Variants in PKD1 observed in about 807,000 individuals in gnomAD.
PKD1 encodes polycystin 1, transient receptor potential channel interacting.
A neutral mutation model predicts 361.7 loss-of-function variants in PKD1; 81 were observed. That is an observed-to-expected ratio of 0.22 (90% confidence interval 0.19 to 0.27). The LOEUF is 0.27. Ranked by LOEUF, PKD1 falls within the 10% of genes least tolerant of loss-of-function variation. PKD1 has a pLI of 1.00. For missense variants in PKD1, 6,399 were observed against 6,118.3 expected (o/e 1.05, Z -1.53); for synonymous variants, 3,615 against 2,818.3 (o/e 1.28, Z -8.95).
Position 2,100,250 on chromosome 16 carries a change from T to A in PKD1, c.9628A>T (p.Ser3210Cys), listed in dbSNP as rs1219302741. ...CAGTCATTGACCAGGAAGAAGGCGC[T>A]GCGTGCCGTCTGCAGGTCCCTGACG... The part of the protein sequence containing the change: ...VIVRDLQTAR[S>C]AFFLVNDWLS... Residue 3210 changes from serine (S) to cysteine (C), a missense_variant, in exon 28 of 46, where the codon AGC becomes TGC. Transcript: ENST00000262304. This position sits in a 1 kb window ranked among gnomAD's most constrained non-coding sequence, Gnocchi z 4.4. The A allele has an allele frequency of 1.2e-6, 2 of 1,610,616 alleles. No individual in the cohort carries two copies. The highest frequency in any genetic ancestry group is 4.5e-5 in the East Asian group (2 of 44,862).
Position 2,111,604 on chromosome 16 carries a change from T to C in PKD1, c.3563A>G (p.His1188Arg), listed in dbSNP as rs2092507530. 1.3e-6 allele frequency: 2 copies of C among 1,574,208 alleles called. No individual in the cohort carries two copies. Among genetic ancestry groups the C allele is most frequent in the Admixed American group, 1.8e-5 (1 of 54,178 alleles). ...CGTGTTGTTGACCTCCAGGCGCACGTGGTAGGTGCCCCTCGAGGCATAGGT... is the reference window on the plus strand; with the variant it reads ...CGTGTTGTTGACCTCCAGGCGCACGCGGTAGGTGCCCCTCGAGGCATAGGT... The part of the protein sequence containing the change: ...NHTYASRGTY[H>R]VRLEVNNTVS... The change falls in exon 15 of 46, where the codon CAC (histidine) becomes CGC (arginine). Residue 1188 changes from histidine to arginine, a missense_variant. Physicochemically the swap from His to Arg is conservative, Grantham distance 29 (BLOSUM62 0). Coordinates refer to ENST00000262304, the MANE Select transcript of PKD1 (RefSeq NM_001009944.3).
Position 2,097,788 on chromosome 16 carries a change from G to T in PKD1, c.10168-8C>A. 6.2e-7 allele frequency: 1 copy of T among 1,611,432 alleles called. No homozygotes were observed. Among genetic ancestry groups the T allele is most frequent in the African/African-American group, 1.3e-5 (1 of 74,982 alleles). On this transcript the variant is annotated splice_region_variant and splice_polypyrimidine_tract_variant and intron_variant, in intron 31 of 45. Coordinates refer to ENST00000262304, the MANE Select transcript of PKD1 (RefSeq NM_001009944.3). ...CTGTCCAACAAAGGCCTGCTGAGAG[G>T]TGCACAGTGTCTTGAGTCCAAGCTG...
At chr16:2,098,022 A>T in intron 30 of PKD1, 38 bp from the exon 31 acceptor site, 1 of 1,134,478 alleles carries the variant, frequency 8.8e-7, no homozygotes, top group Non-Finnish European at 1.3e-6. Flanking sequence ...GCGGCAGCTC[A>T]GACCTGCTCA....
rs943951824 is a variant in PKD1 at position 2,118,950 on chromosome 16, C to T, written c.360-105G>A. The T allele has an allele frequency of 2.7e-6, 2 of 741,740 alleles. No homozygotes were observed. The allele number at this position is 741,740 out of a possible 1,614,324, so 45.9% of individuals were successfully genotyped here. On this transcript the variant is annotated intron_variant, in intron 3 of 45. Coordinates refer to ENST00000262304, the MANE Select transcript of PKD1 (RefSeq NM_001009944.3). The surrounding 1 kb of genome is among the most constrained non-coding windows in gnomAD (Gnocchi z 6.0). ...GGAGCCACCCTGACAGCACCGCCTC[C>T]CCTGCCCCAACCAAGCCGGCACTGG...
Position 2,117,839 on chromosome 16 carries a change from G to C in PKD1, c.1153C>G (p.Leu385Val), listed in dbSNP as rs1255288220. The change falls in exon 5 of 46, where the codon CTG becomes GTG. Residue 385 changes from leucine to valine, a missense_variant. By Grantham distance (32) the Leu-to-Val change is conservative. Transcript: ENST00000262304. ...LSIQNRGGSGLEAAYSIVALG... is the reference protein window; with the variant it reads ...LSIQNRGGSGVEAAYSIVALG... ...GCCACGATGCTGTAGGCGGCCTCCA[G>C]GCCTGAACCACCGCGGTTCTGGATG... 2 of 1,298,132 alleles carry C rather than the reference G, an allele frequency of 1.5e-6. No individual in the cohort carries two copies. The highest frequency in any genetic ancestry group is 2.2e-6 in the Non-Finnish European group (2 of 926,266). 80.4% of individuals were successfully genotyped at this position (1,298,132 alleles called of 1,614,324 possible). A position where few individuals can be genotyped will look rare whatever the true frequency, so the allele number is the denominator to read the frequency against.
At chr16:2,097,018 G>A (rs930955679) in intron 34 of PKD1, 130 bp downstream of exon 34, 2 of 686,876 alleles carry the variant, frequency 2.9e-6, no homozygotes, top group African/African-American at 1.8e-5. Context: ...TCAGAGAAGT[G>A]AAGTGGTGCA....
Position 2,110,226 on chromosome 16 carries a change from G to C in PKD1, c.4941C>G (p.Asn1647Lys), listed in dbSNP as rs572889542. 6.2e-7 allele frequency: 1 copy of C among 1,612,000 alleles called. No individual in the cohort carries two copies. Among genetic ancestry groups the C allele is most frequent in the Non-Finnish European group, 8.5e-7 (1 of 1,179,812 alleles). The change falls in exon 15 of 46, where the codon AAC becomes AAG. Residue 1647 changes from asparagine (N) to lysine (K), a missense_variant. Physicochemically the swap from Asn to Lys is moderately conservative, Grantham distance 94. Transcript: ENST00000262304. ...VVGGGRYFPT[N>K]HTVQLQAVVR... is the part of the protein sequence containing the mutation. The stretch of plus-strand genomic sequence containing the variant: ...CCACGGCCTGCAGCTGTACCGTGTG[G>C]TTGGTGGGGAAGTAGCGGCCACCGC...
rs746367897 is a variant in PKD1 at position 2,106,337 on chromosome 16, G to A, written c.7490-33C>T. The A allele has an allele frequency of 1.4e-5, 23 of 1,600,584 alleles. No homozygotes were observed. Among genetic ancestry groups the A allele is most frequent in the Middle Eastern group, 4.5e-4 (2 of 4,438 alleles). On this transcript the variant is annotated intron_variant, in intron 18 of 45. Transcript: ENST00000262304. This position sits in a 1 kb window ranked among gnomAD's most constrained non-coding sequence, Gnocchi z 6.5. ...ACGGTCCCCACGGCATCACGGGAGG[G>A]CTCCGTGACGTCACAGAGTCGGGGG...
chr16:2,127,900 G>A lies in PKD1; in HGVS notation c.215+7575C>T, dbSNP rs372135517. Among the ~76,000 whole-genome samples the A allele has an allele frequency of 2.2e-3, 296 of 132,840 alleles. 2 individuals are homozygous for A. Among genetic ancestry groups the A allele is most frequent in the African/African-American group, 8.0e-3 (284 of 35,438 alleles). 87.1% of individuals were successfully genotyped at this position (132,840 alleles called of 152,430 possible). On this transcript the variant is annotated intron_variant, in intron 1 of 45. Transcript: ENST00000262304. ...GAGAGAAGGGACACAGCAGGGATGA[G>A]CCAGGGAGGGAGAGGTGGGAGGGGC...
In PKD1 at chr16:2,118,865, G is replaced by A; in HGVS notation, c.360-20C>T. 1.9e-6 allele frequency: 3 copies of A among 1,591,468 alleles called. No individual in the cohort carries two copies. Among genetic ancestry groups the A allele is most frequent in the Non-Finnish European group, 2.6e-6 (3 of 1,175,338 alleles). On this transcript the variant is annotated intron_variant, in intron 3 of 45. Transcript: ENST00000262304. The surrounding 1 kb of genome is among the most constrained non-coding windows in gnomAD (Gnocchi z 6.0). ...AGGTTTCTGCAGGGCAGGGGCAGGT[G>A]TTGGGGACCAGGTCTGGTGGGAAGG...
rs1314345575 is a variant in PKD1 at position 2,106,533 on chromosome 16, C to T, written c.7354G>A (p.Gly2452Ser). ...CAGCCCTCCTCCTCGCCAGAGCGGC[C>T]CAGCACCGTGAGCGTGAAGGTGTAT... is the stretch of plus-strand genomic sequence containing the variant. ...EGYTFTLTVL[G>S]RSGEEEGCAS... Residue 2452 changes from glycine (G) to serine (S), a missense_variant, in exon 18 of 46, where the codon GGC becomes AGC. Physicochemically the swap from Gly to Ser is moderately conservative, Grantham distance 56. Transcript: ENST00000262304. This position sits in a 1 kb window ranked among gnomAD's most constrained non-coding sequence, Gnocchi z 6.5. 6.3e-7 allele frequency: 1 copy of T among 1,596,352 alleles called. No individual in the cohort carries two copies. Among genetic ancestry groups the T allele is most frequent in the Non-Finnish European group, 8.5e-7 (1 of 1,179,116 alleles).
Position 2,111,122 on chromosome 16 carries a change from A to G in PKD1, c.4045T>C (p.Phe1349Leu). The G allele has an allele frequency of 1.2e-6, 2 of 1,610,880 alleles. No individual in the cohort carries two copies. Among genetic ancestry groups the G allele is most frequent in the South Asian group, 1.1e-5 (1 of 91,004 alleles). ...VRGCPTVTHN[F>L]TRSGTFPLAL... ...AGGGGGAACGTGCCGCTCCGCGTGA[A>G]GTTGTGTGTCACCGTCGGGCACCCC... The change falls in exon 15 of 46, where the codon TTC (phenylalanine) becomes CTC (leucine). Residue 1349 changes from phenylalanine to leucine, a missense_variant. Transcript: ENST00000262304.
rs748504204 is a variant in PKD1, at chr16:2,091,815, G to A, written c.11503C>T (p.Arg3835Cys). The change falls in exon 41 of 46, where the codon CGC (arginine) becomes TGC (cysteine). Residue 3835 changes from arginine to cysteine, a missense_variant. Arg to Cys is a radical substitution (Grantham distance 180). Coordinates refer to ENST00000262304, the MANE Select transcript of PKD1 (RefSeq NM_001009944.3). The stretch of plus-strand genomic sequence containing the variant: ...AGCCAGTTGTGCAGCTGCAGGAAGC[G>A]CAGCCGGTCGCGGCTCTCCTCCAGG... ...LSLEESRDRLRFLQLHNWLDN... is the reference protein window; with the variant it reads ...LSLEESRDRLCFLQLHNWLDN... The A allele has an allele frequency of 5.0e-6, 8 of 1,610,190 alleles. No individual in the cohort carries two copies. Among genetic ancestry groups the A allele is most frequent in the Admixed American group, 3.3e-5 (2 of 59,748 alleles).
rs750062706 is a variant in PKD1 at position 2,106,058 on chromosome 16, G to A, written c.7703+33C>T. 17 of 1,606,988 alleles carry A rather than the reference G, an allele frequency of 1.1e-5. No homozygotes were observed. Among genetic ancestry groups the A allele is most frequent in the Non-Finnish European group, 1.4e-5 (16 of 1,178,162 alleles). On this transcript the variant is annotated intron_variant, in intron 19 of 45. Coordinates refer to ENST00000262304, the MANE Select transcript of PKD1 (RefSeq NM_001009944.3). The surrounding 1 kb of genome is among the most constrained non-coding windows in gnomAD (Gnocchi z 6.5). ...AGAGGGGGGTGGTGAGCAGGTGGCA[G>A]TCTCGGGGGCGCCCTCCCACGGCCT...
intron 1 of PKD1, among the ~76,000 whole-genome samples, chr16:2,124,235 C>G (rs9933966): frequency 6.6e-6 from 1 of 152,232 alleles, no homozygotes; most frequent in South Asian, 2.1e-4. Flanking sequence ...GCCAGCCTGC[C>G]GGCCCGAGGT....
intron 1 of PKD1, among the ~76,000 whole-genome samples, chr16:2,134,818 C>G (rs1456353341): frequency 2.7e-5 from 4 of 147,808 alleles, no homozygotes; most frequent in Non-Finnish European, 5.9e-5. Flanking sequence ...GCGAACATGA[C>G]AAGGCTTTAA....
rs184694948 is a variant in PKD1, at chr16:2,107,336, G to A, written c.7066-388C>T. 2.8e-3 allele frequency: 1,064 copies of A among 378,002 alleles called. 6 individuals are homozygous for A. The highest frequency in any genetic ancestry group is 0.018 in the Middle Eastern group (20 of 1,110). 23.4% of individuals were successfully genotyped at this position (378,002 alleles called of 1,614,324 possible). On this transcript the variant is annotated intron_variant, in intron 16 of 45. Coordinates refer to ENST00000262304, the MANE Select transcript of PKD1 (RefSeq NM_001009944.3). ...CCCTTAGCCAGGGCCTGGGTCAGGA[G>A]GCTGAGCTGGGATGGAACCTGCTCC...
In PKD1 at chr16:2,090,697, C is replaced by T. The variant is rs914421862; in HGVS notation, c.12115G>A (p.Ala4039Thr). 3 of 1,612,264 alleles carry T rather than the reference C, an allele frequency of 1.9e-6. No individual in the cohort carries two copies. The highest frequency in any genetic ancestry group is 1.3e-5 in the African/African-American group (1 of 74,902). ...VTLGLVVLGV[A>T]YAQLAILLVS... is the part of the protein sequence containing the mutation. ...ACCAGGATGGCCAGCTGGGCGTAGG[C>T]TACCCCGAGCACCACCAGGCCCAAG... Residue 4039 changes from alanine (A) to threonine (T), a missense_variant, in exon 44 of 46, where the codon GCC becomes ACC. Ala to Thr is a moderately conservative substitution (Grantham distance 58). Coordinates refer to ENST00000262304, the MANE Select transcript of PKD1 (RefSeq NM_001009944.3).
Position 2,135,742 on chromosome 16 carries a change from G to A in PKD1, c.-53C>T. The A allele has an allele frequency of 1.0e-6, 1 of 966,304 alleles. No homozygotes were observed. Among genetic ancestry groups the A allele is most frequent in the Non-Finnish European group, 1.2e-6 (1 of 815,500 alleles). 59.9% of individuals were successfully genotyped at this position (966,304 alleles called of 1,614,324 possible). On this transcript the variant is annotated 5_prime_UTR_variant, in exon 1 of 46. Coordinates refer to ENST00000262304, the MANE Select transcript of PKD1 (RefSeq NM_001009944.3). ...CCGTCCCCAGGCCCGCCCGCGCGCG[G>A]AGGCCGCAGCTCAGGCGGGGCCCGC...
Sources: allele counts gnomAD v4.1 joint callset (sites outside exome capture counted in the v4.1 genomes callset), GRCh38; gene constraint gnomAD v4.1.1; non-coding constraint Gnocchi (gnomAD v3.1); transcripts MANE v1.5; gene names NCBI Gene and HGNC (gene_info 2026-07-23, HGNC 2026-07-21).